CYP4Z1: variants seen among roughly 807,000 people sequenced by gnomAD.
CYP4Z1 encodes cytochrome P450 family 4 subfamily Z member 1, also known as cytochrome P450 4Z1.
A neutral mutation model predicts 54.2 loss-of-function variants in CYP4Z1; 41 were observed. The ratio of observed to expected loss-of-function variants is 0.76; its 90% CI spans 0.59 to 0.98. The LOEUF (loss-of-function observed/expected upper bound fraction) is 0.98, where lower values mean the gene tolerates loss of function less well. CYP4Z1 is among the 50% of genes least tolerant of loss of function. CYP4Z1 has a pLI of 0.00. For synonymous variants in CYP4Z1, 163 were observed against 206.2 expected (o/e 0.79, Z 1.79); for missense variants, 513 against 599.0 (o/e 0.86, Z 1.50).
chr1:47,082,593 C>G (rs1644563031), intron 4 of CYP4Z1, 132 bp downstream of exon 4: 5 of 1,305,300 alleles, frequency 3.8e-6, no homozygotes, highest in Non-Finnish European at 4.2e-6. Flanking sequence ...ATGTTTAGAC[C>G]ATGACCATCA....
intron 6 of CYP4Z1, among the ~76,000 whole-genome samples, chr1:47,094,324 C>G (rs192820096): frequency 1.8e-4 from 27 of 152,310 alleles, no homozygotes; most frequent in Non-Finnish European, 3.8e-4. Context: ...ACCTTTACAA[C>G]AACCCTGTGT....
In CYP4Z1 at chr1:47,094,634, C is replaced by T. The variant is rs748235991; in HGVS notation, c.841C>T (p.Arg281Cys). 56 of 1,610,964 alleles carry T rather than the reference C, an allele frequency of 3.5e-5. No homozygotes were observed. The Admixed American group carries it at 4.4e-4, about 13-fold the overall frequency. ...AAAACAAGATACTACTCAGAAAAGGCGCTGGGATTTTCTGGACATACTTTT... is the reference window on the plus strand; with the variant it reads ...AAAACAAGATACTACTCAGAAAAGGTGCTGGGATTTTCTGGACATACTTTT... The part of the protein sequence containing the change: ...KLKQDTTQKR[R>C]WDFLDILLSA... The change falls in exon 7 of 12, where the codon CGC becomes TGC. Residue 281 changes from arginine (R) to cysteine (C), a missense_variant. By Grantham distance (180) the Arg-to-Cys change is radical (BLOSUM62 -3). Transcript: ENST00000334194.
Position 47,068,650 on chromosome 1 carries a change from A to T in CYP4Z1, c.206A>T (p.Tyr69Phe). The T allele has an allele frequency of 5.0e-6, 8 of 1,614,152 alleles. No homozygotes were observed. The highest frequency in any genetic ancestry group is 6.8e-6 in the Non-Finnish European group (8 of 1,179,990). The change falls in exon 2 of 12, where the codon TAT becomes TTT. Residue 69 changes from tyrosine to phenylalanine, a missense_variant. Transcript: ENST00000334194. The stretch of plus-strand genomic sequence containing the variant: ...TACCCAGTAAAGGAGTTTGAGGTGT[A>T]TCATAAGCTGATGGAAAAATACCCA... Reference protein sequence around the residue: ...EFYPVKEFEVYHKLMEKYPCA... With the variant: ...EFYPVKEFEVFHKLMEKYPCA...
chr1:47,099,851 A>G (rs1644707209), intron 8 of CYP4Z1, among the ~76,000 whole-genome samples: 1 of 152,236 alleles, frequency 6.6e-6, no homozygotes, highest in Non-Finnish European at 1.5e-5. Flanking sequence ...ACATTCAAAA[A>G]GTACAGGGAA....
At chr1:47,066,192 A>G (rs965471427), upstream of CYP4Z1, among the ~76,000 whole-genome samples, 4 of 152,196 alleles carry the variant, frequency 2.6e-5, no homozygotes, top group Non-Finnish European at 5.9e-5. Context: ...TGAAGCCAGT[A>G]TCATCCTAAT....
rs1188735783 is a variant in CYP4Z1, at chr1:47,067,504, G to C, written c.14G>C (p.Trp5Ser). The part of the protein sequence containing the change: MEPS[W>S]LQELMAHPFL... ...CCTCTGAGAAGAATGGAGCCCTCCT[G>C]GCTTCAGGAACTCATGGCTCACCCC... Residue 5 changes from tryptophan (W) to serine (S), a missense_variant, in exon 1 of 12, where the codon TGG (tryptophan) becomes TCG (serine). Trp to Ser is a radical substitution (Grantham distance 177). Coordinates refer to ENST00000334194, the MANE Select transcript of CYP4Z1 (RefSeq NM_178134.3). 3 of 1,609,868 alleles carry C rather than the reference G, an allele frequency of 1.9e-6. No homozygotes were observed. The highest frequency in any genetic ancestry group is 2.5e-6 in the Non-Finnish European group (3 of 1,177,618).
In CYP4Z1 at chr1:47,067,341, G is replaced by A; in HGVS notation, c.-150G>A. On this transcript the variant is annotated 5_prime_UTR_variant, in exon 1 of 12. Coordinates refer to ENST00000334194, the MANE Select transcript of CYP4Z1 (RefSeq NM_178134.3). ...AGTTTTCACCCTGCAGACTTAATTA[G>A]GCTTCCTCTTCCTTATGTCCCCTCC... 5.1e-6 allele frequency: 3 copies of A among 591,950 alleles called. No homozygotes were observed. Among genetic ancestry groups the A allele is most frequent in the Non-Finnish European group, 8.0e-6 (3 of 377,022 alleles). The allele number at this position is 591,950 out of a possible 1,614,324, so 36.7% of individuals were successfully genotyped here. A position where few individuals can be genotyped will look rare whatever the true frequency, so the allele number is the denominator to read the frequency against.
chr1:47,064,636 T>TA (rs752556200), upstream of CYP4Z1, among the ~76,000 whole-genome samples: 114 of 150,498 alleles, frequency 7.6e-4, no homozygotes, highest in Non-Finnish European at 1.2e-3. Context: ...AAAACTCAAT[T>TA]AAAAAAAAAC....
the CYP4Z1 span, among the ~76,000 whole-genome samples, chr1:47,057,713 T>G: frequency 2.0e-5 from 3 of 151,900 alleles, no homozygotes; most frequent in Non-Finnish European, 4.4e-5. Context: ...GATTATATTT[T>G]CCTTTAAGTC....
At chr1:47,089,871 T>C (rs768219643) in intron 6 of CYP4Z1, among the ~76,000 whole-genome samples, 32 of 152,284 alleles carry the variant, frequency 2.1e-4, no homozygotes, top group Non-Finnish European at 4.6e-4. Context: ...TTAGGTTTGC[T>C]TAGAGAATAA....
At chr1:47,087,139 G>C (rs563896549) in intron 6 of CYP4Z1, among the ~76,000 whole-genome samples, 72 of 152,152 alleles carry the variant, frequency 4.7e-4, no homozygotes, top group African/African-American at 9.4e-4. Context: ...ATGCTTCCAG[G>C]TTTGTTCTTT....
At chr1:47,099,064 T>A (rs527334511) in intron 7 of CYP4Z1, 30 bp from the exon 8 acceptor site, 4 of 1,607,384 alleles carry the variant, frequency 2.5e-6, no homozygotes, top group East Asian at 4.5e-5. Context: ...ATAGCCAGCT[T>A]TGGATAAAGA....
rs776982528 is a variant in CYP4Z1 at position 47,117,851 on chromosome 1, C to T, written c.1435C>T (p.His479Tyr). 8.1e-6 allele frequency: 13 copies of T among 1,613,580 alleles called. No individual in the cohort carries two copies. The highest frequency in any genetic ancestry group is 4.0e-5 in the African/African-American group (3 of 74,902). ...TLLRFKLAPD[H>Y]SRPPQPVRQV... ...GCTCCGCTTCAAGCTGGCTCCAGAC[C>T]ACTCAAGGCCTCCCCAGCCTGTTCG... The change falls in exon 12 of 12, where the codon CAC becomes TAC. Residue 479 changes from histidine to tyrosine, a missense_variant. Physicochemically the swap from His to Tyr is moderately conservative, Grantham distance 83 (BLOSUM62 2). Transcript: ENST00000334194.
intron 7 of CYP4Z1, among the ~76,000 whole-genome samples, chr1:47,097,770 G>A (rs961870663): frequency 6.9e-6 from 1 of 145,414 alleles, no homozygotes; most frequent in Admixed American, 6.8e-5. Context: ...TTGTTTGTTT[G>A]TTTTCTTAGG....
At chr1:47,065,007 T>C (rs2148522896), upstream of CYP4Z1, among the ~76,000 whole-genome samples, 1 of 152,240 alleles carries the variant, frequency 6.6e-6, no homozygotes, top group South Asian at 2.1e-4. Context: ...CAATTCTAAA[T>C]ATATATGCAC....
chr1:47,094,504 T>G (rs1644662327), intron 6 of CYP4Z1, 62 bp from the exon 7 acceptor site: 1 of 1,163,204 alleles, frequency 8.6e-7, no homozygotes, highest in South Asian at 1.5e-5. Flanking sequence ...AGAACTACAT[T>G]TGGCTTTGAT....
chr1:47,066,709 A>C (rs1178395118), upstream of CYP4Z1, among the ~76,000 whole-genome samples: 1 of 152,136 alleles, frequency 6.6e-6, no homozygotes, highest in Admixed American at 6.5e-5. Context: ...ATTGGTAAAA[A>C]GGAGGTCAAA....
In CYP4Z1 at chr1:47,084,631, G is replaced by A. The variant is rs1458567787; in HGVS notation, c.504G>A (p.Glu168=). 1 of 1,600,672 alleles carries A rather than the reference G, an allele frequency of 6.2e-7. No individual in the cohort carries two copies. Among genetic ancestry groups the A allele is most frequent in the Non-Finnish European group, 8.5e-7 (1 of 1,174,554 alleles). The change falls in exon 5 of 12, where the codon GAG becomes GAA. Residue 168 remains glutamate (E), a synonymous_variant. Coordinates refer to ENST00000334194, the MANE Select transcript of CYP4Z1 (RefSeq NM_178134.3). ...ATCCCCTGCCCCAGAACAAATGGGAGGAACACATTGCCCAAAACTCACGTC... is the reference window on the plus strand; with the variant it reads ...ATCCCCTGCCCCAGAACAAATGGGAAGAACACATTGCCCAAAACTCACGTC... ...ESVRMMLNKW[E]EHIAQNSRLE... is the part of the protein sequence containing the mutation.
At chr1:47,082,555 T>A (rs182253253) in intron 4 of CYP4Z1, 94 bp downstream of exon 4, 13 of 1,519,996 alleles carry the variant, frequency 8.6e-6, no homozygotes, top group South Asian at 6.8e-5. Flanking sequence ...CAGAACCATG[T>A]TCACAGCAGT....
Sources: gnomAD v4.1 joint callset for allele counts (sites outside exome capture counted in the v4.1 genomes callset) on GRCh38, gnomAD v4.1.1 for gene constraint, MANE v1.5 for transcripts, NCBI Gene and HGNC (gene_info 2026-07-23, HGNC 2026-07-21) for gene names.